The following ACACB variants were observed in gnomAD, a reference collection of about 807,000 sequenced individuals.
ACACB encodes acetyl-CoA carboxylase 2.
ACACB carries 209 observed loss-of-function variants against 278.8 expected under a neutral mutation model. The ratio of observed to expected loss-of-function variants is 0.75; its 90% CI spans 0.67 to 0.84. The LOEUF (loss-of-function observed/expected upper bound fraction) is 0.84. ACACB is among the 40% of genes least tolerant of loss of function. The pLI is 0.00. For synonymous variants in ACACB, 1,174 were observed against 1,285.6 expected (o/e 0.91, Z 1.86); for missense variants, 2,850 against 3,269.0 (o/e 0.87, Z 3.13).
At chr12:109,246,105 T>C (rs2046934299) in intron 38 of ACACB, 74 bp from the exon 39 acceptor site, 9 of 1,479,272 alleles carry the variant, frequency 6.1e-6, no homozygotes, top group Non-Finnish European at 7.3e-6. Context: ...AAAATAATAA[T>C]AACTAAAATA....
intron 49 of ACACB, 121 bp from the exon 50 acceptor site, chr12:109,264,111 A>ACAAGG: frequency 8.3e-7 from 1 of 1,206,294 alleles, no homozygotes. Context: ...CAGACCTCTC[A>ACAAGG]CAAGGCAAGG....
chr12:109,177,123 C>T (rs962946821), intron 9 of ACACB, among the ~76,000 whole-genome samples: 4 of 152,216 alleles, frequency 2.6e-5, no homozygotes, highest in South Asian at 2.1e-4. Flanking sequence ...TCAGTCTACA[C>T]GAAATTTTGC....
rs553889679 is a variant in ACACB at position 109,140,307 on chromosome 12, C to T, written c.653+249C>T. On this transcript the variant is annotated intron_variant, in intron 2 of 52. Transcript: ENST00000338432. ...CCTTCCTTCCTTCCTTCCTTCCTTC[C>T]TTCCTTCCTTCCTTCCTTCCTTCCT... Among the ~76,000 whole-genome samples, 313 of 140,088 alleles carry T rather than the reference C, an allele frequency of 2.2e-3. 4 individuals carry two copies. Among genetic ancestry groups the T allele is most frequent in the African/African-American group, 8.0e-3 (300 of 37,558 alleles). 91.9% of individuals were successfully genotyped at this position (140,088 alleles called of 152,430 possible).
chr12:109,185,313 G>T (rs1054325697), intron 11 of ACACB, among the ~76,000 whole-genome samples: 1 of 152,188 alleles, frequency 6.6e-6, no homozygotes, highest in Non-Finnish European at 1.5e-5. Flanking sequence ...CTTGATGCAT[G>T]TATTTTCTTG....
chr12:109,119,849 C>T (rs11609590), intron 1 of ACACB, among the ~76,000 whole-genome samples: 11,617 of 151,606 alleles, frequency 0.077, 583 homozygotes, highest in Middle Eastern at 0.14. Context: ...AAGCTGAGAT[C>T]GCGCCACTGC....
chr12:109,233,743 C>A lies in ACACB; in HGVS notation c.4140-5C>A. The A allele has an allele frequency of 6.2e-7, 1 of 1,613,748 alleles. No homozygotes were observed. The highest frequency in any genetic ancestry group is 1.1e-5 in the South Asian group (1 of 91,006). On this transcript the variant is annotated splice_polypyrimidine_tract_variant and splice_region_variant and intron_variant, in intron 29 of 52. Coordinates refer to ENST00000338432, the MANE Select transcript of ACACB (RefSeq NM_001093.4). ...TCAGCCCTCCCTCTCTACCCGCACC[C>A]CCAGAAATTTTGATGAAGTCATCTC...
chr12:109,249,919 A>G (rs1180449761), intron 40 of ACACB, 65 bp from the exon 41 acceptor site: 8 of 1,540,888 alleles, frequency 5.2e-6, no homozygotes, highest in Non-Finnish European at 7.0e-6. Flanking sequence ...CCTTCTTGGG[A>G]AATGCATCCA....
intron 15 of ACACB, among the ~76,000 whole-genome samples, chr12:109,192,545 T>C (rs1174931706): frequency 6.6e-6 from 1 of 152,060 alleles, no homozygotes; most frequent in Non-Finnish European, 1.5e-5. Context: ...CAATCAAATA[T>C]ATCTCCAGAC....
intron 45 of ACACB, among the ~76,000 whole-genome samples, chr12:109,257,578 A>G (rs1188924452): frequency 6.6e-6 from 1 of 151,848 alleles, no homozygotes; most frequent in Admixed American, 6.6e-5. Context: ...CATTATTATT[A>G]TTATTATTTT....
intron 45 of ACACB, among the ~76,000 whole-genome samples, chr12:109,257,762 G>T (rs2047267514): frequency 6.6e-6 from 1 of 152,056 alleles, no homozygotes; most frequent in African/African-American, 2.4e-5. Context: ...GCAGATACAG[G>T]GTCTCACTAT....
chr12:109,211,316 A>C (rs1203981009), intron 21 of ACACB, among the ~76,000 whole-genome samples: 2 of 151,854 alleles, frequency 1.3e-5, no homozygotes, highest in Non-Finnish European at 2.9e-5. Flanking sequence ...AGCCAGGCAC[A>C]AAAGACCACA....
At chr12:109,170,711 T>C (rs1283195919) in intron 4 of ACACB, among the ~76,000 whole-genome samples, 1 of 152,086 alleles carries the variant, frequency 6.6e-6, no homozygotes, top group Admixed American at 6.6e-5. Flanking sequence ...GAAAAAGTTG[T>C]GGACATCTGT....
intron 2 of ACACB, among the ~76,000 whole-genome samples, chr12:109,151,033 C>G (rs1399525490): frequency 1.4e-5 from 2 of 142,542 alleles, no homozygotes; most frequent in African/African-American, 5.3e-5. Context: ...GGCTGGAGTG[C>G]AGTGGCACAA....
At chr12:109,254,875 A>G (rs1425199134) in intron 44 of ACACB, among the ~76,000 whole-genome samples, 1 of 151,888 alleles carries the variant, frequency 6.6e-6, no homozygotes, top group African/African-American at 2.4e-5. Flanking sequence ...CCTGGGTTCA[A>G]GTGATTCTCC....
intron 28 of ACACB, among the ~76,000 whole-genome samples, chr12:109,231,705 G>A (rs145403212): frequency 2.0e-5 from 3 of 152,306 alleles, no homozygotes; most frequent in Non-Finnish European, 1.5e-5. Context: ...AGGCATCAGG[G>A]TGAAGTCCAG....
intron 21 of ACACB, among the ~76,000 whole-genome samples, chr12:109,209,872 C>CACACAT (rs2045638701): frequency 1.5e-5 from 2 of 131,730 alleles, no homozygotes; most frequent in African/African-American, 5.9e-5. Flanking sequence ...TACACACATA[C>CACACAT]ACACACGTGT....
chr12:109,167,625 A>G (rs78783372), intron 3 of ACACB, among the ~76,000 whole-genome samples: 12 of 122,344 alleles, frequency 9.8e-5, no homozygotes, highest in Admixed American at 3.3e-4. Flanking sequence ...GTATGTGTAT[A>G]TATATATATA....
rs1216217057 is a variant in ACACB at position 109,167,621 on chromosome 12, GTATATATATATATATA to G, written c.787-257_787-242del. Among the ~76,000 whole-genome samples the G allele has an allele frequency of 6.3e-3, 492 of 77,530 alleles. 23 individuals carry two copies. The highest frequency in any genetic ancestry group is 0.022 in the African/African-American group (433 of 19,748). The allele number at this position is 77,530 out of a possible 152,430, so 50.9% of individuals were successfully genotyped here. A position where few individuals can be genotyped will look rare whatever the true frequency, so the allele number is the denominator to read the frequency against. On this transcript the variant is annotated intron_variant, in intron 3 of 52. Transcript: ENST00000338432. ...CTCAAAAAAAAAAATATATGTATGT[GTATATATATATATATA>G]TATATATATATATATATTTCAGACA... is the stretch of plus-strand genomic sequence containing the variant.
chr12:109,261,265 C>A (rs1472748934), intron 48 of ACACB, among the ~76,000 whole-genome samples: 1 of 152,184 alleles, frequency 6.6e-6, no homozygotes, highest in Non-Finnish European at 1.5e-5. Flanking sequence ...TGTGTTCACT[C>A]CCTCATTCAT....
Sources: gnomAD v4.1 joint callset for allele counts (sites outside exome capture counted in the v4.1 genomes callset) on GRCh38, gnomAD v4.1.1 for gene constraint, MANE v1.5 for transcripts, NCBI Gene and HGNC (gene_info 2026-07-23, HGNC 2026-07-21) for gene names.